The following FBN3 variants were observed in gnomAD, a reference collection of about 807,000 sequenced individuals.
The protein encoded by FBN3 is fibrillin-3.
Under a neutral mutation model 330.1 loss-of-function variants are expected in FBN3, and 234 were observed. The observed-to-expected ratio is 0.71, with a 90% CI of 0.64 to 0.79. The LOEUF is 0.79. Ranked by LOEUF, FBN3 falls within the 30% of genes least tolerant of loss-of-function variation. FBN3 has a pLI of 0.00. For missense variants in FBN3, 3,606 were observed against 3,886.9 expected, an observed-to-expected ratio of 0.93 and a Z score of 1.92; for synonymous variants, 1,458 against 1,517.3, an observed-to-expected ratio of 0.96 and a Z score of 0.91.
rs12459760 is a variant in FBN3 at position 8,090,289 on chromosome 19, G to C, written c.6032-38C>G. ...GGCTCCATTACCCTGATTGAAAGCC[G>C]CTGGCAGTGCCCACCTGCCCCTGTG... On this transcript the variant is annotated intron_variant, in intron 48 of 63. Transcript: ENST00000600128. The C allele has an allele frequency of 4.3e-5, 69 of 1,609,310 alleles. No homozygotes were observed. The Middle Eastern group carries it at 5.0e-4, about 12-fold the overall frequency.
intron 13 of FBN3, 25 bp downstream of exon 13, chr19:8,135,936 G>GGGGGGGGGGCCCCCCCCC: frequency 3.0e-6 from 2 of 668,764 alleles, no homozygotes; most frequent in Non-Finnish European, 4.8e-6. Flanking sequence ...GGAAGCCCCT[G>GGGGGGGGGGCCCCCCCCC]CCCACCCGCC....
Position 8,146,304 on chromosome 19 carries a change from C to T in FBN3, c.251-79G>A, listed in dbSNP as rs547369919. On this transcript the variant is annotated intron_variant, in intron 3 of 63. Transcript: ENST00000600128. Reference sequence around the variant, plus strand: ...CTGCTCCATTGGTGTCCGGGCTGGCCGGAACACCTCAGTGGACGCTGCTGG... The same window carrying T: ...CTGCTCCATTGGTGTCCGGGCTGGCTGGAACACCTCAGTGGACGCTGCTGG... The T allele has an allele frequency of 8.2e-4, 993 of 1,208,022 alleles. 9 individuals are homozygous for T. In the African/African-American group the frequency reaches 0.013, roughly 16 times the overall value. The allele number at this position is 1,208,022 out of a possible 1,614,324, so 74.8% of individuals were successfully genotyped here.
intron 25 of FBN3, among the ~76,000 whole-genome samples, chr19:8,120,503 TC>T (rs1178648395): frequency 6.7e-6 from 1 of 149,820 alleles, no homozygotes; most frequent in Non-Finnish European, 1.5e-5. Context: ...CTTCCTTTTT[TC>T]TTTAGACAGG....
rs372169577 is a variant in FBN3 at position 8,109,127 on chromosome 19, G to A, written c.4618+100C>T. Reference sequence around the variant, plus strand: ...TCCCCCAGTTCTTGGTTTTCCTGTCGCCTAAGCCCCCCACCACCGCCATTA... The same window carrying A: ...TCCCCCAGTTCTTGGTTTTCCTGTCACCTAAGCCCCCCACCACCGCCATTA... On this transcript the variant is annotated intron_variant, in intron 36 of 63. Transcript: ENST00000600128. The surrounding 1 kb of genome is among the most constrained non-coding windows in gnomAD (Gnocchi z 5.2). 7.4e-5 allele frequency: 88 copies of A among 1,196,814 alleles called. 1 individual carries two copies. Among genetic ancestry groups the A allele is most frequent in the East Asian group, 4.6e-4 (19 of 41,076 alleles). The allele number at this position is 1,196,814 out of a possible 1,614,324, so 74.1% of individuals were successfully genotyped here. A position where few individuals can be genotyped will look rare whatever the true frequency, so the allele number is the denominator to read the frequency against.
chr19:8,132,676 G>C (rs1425111979), intron 14 of FBN3, among the ~76,000 whole-genome samples: 2 of 151,986 alleles, frequency 1.3e-5, no homozygotes, highest in African/African-American at 4.8e-5. Flanking sequence ...ATTTTTAGTA[G>C]AGATGGGGTT....
At chr19:8,137,609 CTTAT>C (rs3075768) in intron 10 of FBN3, among the ~76,000 whole-genome samples, 64,942 of 146,256 alleles carry the variant, frequency 0.44, 14,962 homozygotes, top group Non-Finnish European at 0.52. Context: ...CGAACTCTGA[CTTAT>C]TTATTTATTT....
chr19:8,102,986 T>C (rs982747096), intron 39 of FBN3, 113 bp from the exon 40 acceptor site: 16 of 1,179,454 alleles, frequency 1.4e-5, no homozygotes, highest in Middle Eastern at 2.1e-4. Flanking sequence ...TACTGGCTTG[T>C]CCAGGCACAG....
intron 13 of FBN3, among the ~76,000 whole-genome samples, chr19:8,135,401 C>T (rs148957269): frequency 0.012 from 1,803 of 151,850 alleles, 33 homozygotes; most frequent in African/African-American, 0.041. Flanking sequence ...CCTCAGCCTC[C>T]CGAGTAGCTG....
At chr19:8,105,874 T>TA (rs2082425348) in intron 38 of FBN3, among the ~76,000 whole-genome samples, 1 of 151,882 alleles carries the variant, frequency 6.6e-6, no homozygotes, top group Non-Finnish European at 1.5e-5. Context: ...CATAAGGGAG[T>TA]GTCGTGGCAT....
intron 38 of FBN3, among the ~76,000 whole-genome samples, chr19:8,105,570 T>C (rs2082421021): frequency 6.6e-6 from 1 of 152,218 alleles, no homozygotes; most frequent in African/African-American, 2.4e-5. Flanking sequence ...TTGAATTTCA[T>C]ATAATTTTCA....
At chr19:8,095,620 T>G in intron 45 of FBN3, 117 bp from the exon 46 acceptor site, 1 of 1,094,246 alleles carries the variant, frequency 9.1e-7, no homozygotes, top group Non-Finnish European at 1.3e-6. Context: ...ACTTGAGCAC[T>G]CATGTATAGA....
chr19:8,097,256 G>A lies in FBN3; in HGVS notation c.5287+33C>T. ...CAGTGGCGGACATGCATCCCACCCA[G>A]GCCCCAGGGCTGGGAACAGGGAGAG... On this transcript the variant is annotated intron_variant, in intron 42 of 63. Coordinates refer to ENST00000600128, the MANE Select transcript of FBN3 (RefSeq NM_032447.5). 3.1e-6 allele frequency: 5 copies of A among 1,587,392 alleles called. No individual in the cohort carries two copies. In the South Asian group the frequency reaches 5.6e-5, roughly 18 times the overall value.
At chr19:8,090,296 G>T (rs972583047) in intron 48 of FBN3, 45 bp from the exon 49 acceptor site, 5 of 1,607,340 alleles carry the variant, frequency 3.1e-6, no homozygotes, top group South Asian at 1.1e-5. Flanking sequence ...GCCGCTGGCA[G>T]TGCCCACCTG....
chr19:8,135,870 G>A (rs2083265588), intron 13 of FBN3, 91 bp downstream of exon 13: 2 of 1,424,614 alleles, frequency 1.4e-6, no homozygotes, highest in Non-Finnish European at 9.6e-7. Flanking sequence ...GAGGGAGGTG[G>A]GTTTGGGGGC....
At position 8,085,454 on chromosome 19, in the gene FBN3, C is replaced by T. The variant is rs1211019678; in HGVS notation, c.6996G>A (p.Trp2332Ter). 1 of 1,575,346 alleles carries T rather than the reference C, an allele frequency of 6.3e-7. No individual in the cohort carries two copies. Among genetic ancestry groups the T allele is most frequent in the Admixed American group, 1.9e-5 (1 of 53,354 alleles). Residue 2332 changes from tryptophan (W) to a stop codon, truncating the protein, a stop_gained, in exon 56 of 64, where the codon TGG becomes TGA. Coordinates refer to ENST00000600128, the MANE Select transcript of FBN3 (RefSeq NM_032447.5). LOFTEE classifies it high-confidence loss of function. ...GGGGACAGAGCTCGCAGCGGGGCCC[C>T]CAGCCCCGGCCACCCCCACAGCAGC... is the stretch of plus-strand genomic sequence containing the variant. ...AECCCGGGRG[W>*]GPRCELCPLP...
At chr19:8,108,048 G>T in intron 37 of FBN3, 122 bp downstream of exon 37, 1 of 722,240 alleles carries the variant, frequency 1.4e-6, no homozygotes, top group Non-Finnish European at 2.3e-6. Context: ...TCAGCCTCCA[G>T]GTGGAAAGAT....
At chr19:8,135,940 A>ACCC in intron 13 of FBN3, 21 bp downstream of exon 13, 1 of 168,326 alleles carries the variant, frequency 5.9e-6, no homozygotes, top group Non-Finnish European at 1.1e-5. Context: ...GCCCCTGCCC[A>ACCC]CCCGCCCACC....
rs147035742 is a variant in FBN3 at position 8,123,798 on chromosome 19, C to T, written c.2942G>A (p.Arg981Gln). The change falls in exon 23 of 64, where the codon CGA becomes CAA. Residue 981 changes from arginine (R) to glutamine (Q), a missense_variant. Transcript: ENST00000600128. ...GFASRDFLSG[R>Q]PFYKDVNECK... is the part of the protein sequence containing the mutation. ...CCCAACCGCACCTTTATAGAATGGTCGGCCAGACAGGAAGTCCCGGCTGGC... is the reference window on the plus strand; with the variant it reads ...CCCAACCGCACCTTTATAGAATGGTTGGCCAGACAGGAAGTCCCGGCTGGC... The T allele has an allele frequency of 1.7e-3, 2,752 of 1,613,302 alleles. 7 individuals are homozygous for T. The highest frequency in any genetic ancestry group is 0.014 in the Middle Eastern group (87 of 6,034).
In FBN3 at chr19:8,078,171, C is replaced by T. The variant is rs896047366; in HGVS notation, c.7454-2760G>A. On this transcript the variant is annotated intron_variant, in intron 59 of 63. Coordinates refer to ENST00000600128, the MANE Select transcript of FBN3 (RefSeq NM_032447.5). ...AAGTGTCAGGCTGGCCTACTGTGGC[C>T]ATGTGAGTTTGCTCTTCTATTAACA... Among the ~76,000 whole-genome samples the T allele has an allele frequency of 1.2e-4, 19 of 152,168 alleles. 1 individual carries two copies. Among genetic ancestry groups the T allele is most frequent in the African/African-American group, 4.1e-4 (17 of 41,436 alleles).
Sources: allele counts gnomAD v4.1 joint callset (sites outside exome capture counted in the v4.1 genomes callset), GRCh38; gene constraint gnomAD v4.1.1; non-coding constraint Gnocchi (gnomAD v3.1); transcripts MANE v1.5; gene names NCBI Gene and HGNC (gene_info 2026-07-23, HGNC 2026-07-21).